The following NCAM2 variants were observed in gnomAD, a reference collection of about 807,000 sequenced individuals.
The protein encoded by NCAM2 is N-CAM-2.
Under a neutral mutation model 98.1 loss-of-function variants are expected in NCAM2, and 30 were observed. That is an observed-to-expected ratio of 0.31 (90% confidence interval 0.23 to 0.41). The LOEUF (loss-of-function observed/expected upper bound fraction) is 0.41, where lower values mean the gene tolerates loss of function less well. NCAM2 is among the 10% of genes least tolerant of loss of function. The probability of loss-of-function intolerance (pLI) is 1.00; values close to 1 mark genes in which losing one functional copy is unlikely to be tolerated. For missense variants in NCAM2, 867 were observed against 1,005.8 expected, an observed-to-expected ratio of 0.86 and a Z score of 1.87; for synonymous variants, 368 against 342.4, an observed-to-expected ratio of 1.07 and a Z score of -0.83.
intron 1 of NCAM2, among the ~76,000 whole-genome samples, chr21:21,088,544 A>G (rs188406815): frequency 7.9e-4 from 121 of 152,326 alleles, no homozygotes; most frequent in African/African-American, 2.8e-3. Context: ...AACAACCTCC[A>G]TGATCTATAA....
At chr21:21,519,189 A>G (rs1294850332) in intron 16 of NCAM2, among the ~76,000 whole-genome samples, 1 of 152,138 alleles carries the variant, frequency 6.6e-6, no homozygotes, top group Non-Finnish European at 1.5e-5. Context: ...TCTTGGGTCA[A>G]TGAAAAGGGT....
At chr21:21,276,666 A>C (rs763932672) in intron 1 of NCAM2, among the ~76,000 whole-genome samples, 1 of 152,126 alleles carries the variant, frequency 6.6e-6, no homozygotes, top group Non-Finnish European at 1.5e-5. Context: ...ATTAAGGCAC[A>C]ACCTCAAATT....
intron 1 of NCAM2, among the ~76,000 whole-genome samples, chr21:21,128,244 G>GTT (rs71195303): frequency 7.3e-5 from 11 of 149,990 alleles, no homozygotes; most frequent in African/African-American, 2.7e-4. Context: ...ATTTGTGAGG[G>GTT]TTTTTTTTTT....
chr21:21,214,711 TATATATATTCC>T (rs1219784675), intron 1 of NCAM2, among the ~76,000 whole-genome samples: 2 of 110,920 alleles, frequency 1.8e-5, no homozygotes. Flanking sequence ...GGGGAGTAAA[TATATATATTCC>T]ATATATATAT....
At chr21:21,479,608 A>AAAAAAAAAAAAAAAAAAAT (rs1491473437) in intron 15 of NCAM2, among the ~76,000 whole-genome samples, 1 of 127,916 alleles carries the variant, frequency 7.8e-6, no homozygotes, top group African/African-American at 2.8e-5. Flanking sequence ...AAAAAAAAAA[A>AAAAAAAAAAAAAAAAAAAT]TTGTTGATGA....
chr21:21,019,009 G>C (rs1014829300), intron 1 of NCAM2, among the ~76,000 whole-genome samples: 3 of 152,228 alleles, frequency 2.0e-5, no homozygotes, highest in African/African-American at 7.2e-5. Context: ...TGGCTGAATG[G>C]TTGGATGCTA....
intron 1 of NCAM2, among the ~76,000 whole-genome samples, chr21:21,040,067 CTA>C (rs1410704164): frequency 6.6e-6 from 1 of 152,108 alleles, no homozygotes; most frequent in Non-Finnish European, 1.5e-5. Flanking sequence ...CTACAGTCCT[CTA>C]TTTTAATTTC....
intron 1 of NCAM2, among the ~76,000 whole-genome samples, chr21:21,257,338 GTT>G (rs553258158): frequency 4.5e-4 from 69 of 152,268 alleles, no homozygotes; most frequent in African/African-American, 1.6e-3. Context: ...GAAATAAACT[GTT>G]TACATGATTT....
chr21:21,177,568 C>T (rs552494571), intron 1 of NCAM2, among the ~76,000 whole-genome samples: 193 of 152,084 alleles, frequency 1.3e-3, no homozygotes, highest in African/African-American at 4.3e-3. Flanking sequence ...GCACATGTCA[C>T]ATATATATAT....
intron 1 of NCAM2, among the ~76,000 whole-genome samples, chr21:21,272,597 G>C (rs897927348): frequency 3.3e-5 from 5 of 151,696 alleles, no homozygotes; most frequent in Admixed American, 6.6e-5. Flanking sequence ...ATATTCACTA[G>C]AGCAGCCTAG....
At chr21:21,389,749 T>C (rs528566964) in intron 9 of NCAM2, among the ~76,000 whole-genome samples, 1 of 152,302 alleles carries the variant, frequency 6.6e-6, no homozygotes, top group Non-Finnish European at 1.5e-5. Flanking sequence ...ATAATAAGAT[T>C]TCATTCTCTT....
At chr21:21,108,361 A>G (rs1380015642) in intron 1 of NCAM2, among the ~76,000 whole-genome samples, 1 of 152,096 alleles carries the variant, frequency 6.6e-6, no homozygotes, top group Middle Eastern at 3.2e-3. Context: ...GTAAAAGTTG[A>G]AAAATAGCAA....
intron 1 of NCAM2, among the ~76,000 whole-genome samples, chr21:21,266,584 A>C (rs1382700365): frequency 6.6e-6 from 1 of 152,110 alleles, no homozygotes; most frequent in African/African-American, 2.4e-5. Context: ...ACATGGATGA[A>C]GCTGGAAACC....
At chr21:21,193,252 G>T (rs2068884713) in intron 1 of NCAM2, among the ~76,000 whole-genome samples, 1 of 151,740 alleles carries the variant, frequency 6.6e-6, no homozygotes, top group South Asian at 2.1e-4. Context: ...ATGCAATATT[G>T]GTATTTTATT....
intron 5 of NCAM2, among the ~76,000 whole-genome samples, chr21:21,320,453 T>C (rs1191339224): frequency 1.3e-5 from 2 of 152,190 alleles, no homozygotes; most frequent in African/African-American, 4.8e-5. Flanking sequence ...AATAGCACTT[T>C]AAATTGATCA....
At chr21:21,475,559 C>G (rs1451604648) in intron 14 of NCAM2, among the ~76,000 whole-genome samples, 1 of 152,140 alleles carries the variant, frequency 6.6e-6, no homozygotes, top group Non-Finnish European at 1.5e-5. Flanking sequence ...AACTAGGTTT[C>G]TTTCTTAACC....
At chr21:21,322,733 C>T (rs1354611252) in intron 5 of NCAM2, among the ~76,000 whole-genome samples, 1 of 152,122 alleles carries the variant, frequency 6.6e-6, no homozygotes, top group African/African-American at 2.4e-5. Flanking sequence ...TCATCTTTAT[C>T]TTCTGAGAAA....
At chr21:21,027,849 G>A (rs1601135971) in intron 1 of NCAM2, among the ~76,000 whole-genome samples, 2 of 149,110 alleles carry the variant, frequency 1.3e-5, no homozygotes, top group African/African-American at 5.0e-5. Context: ...AATTATAATT[G>A]TTTCTTAAGT....
At chr21:21,327,619 A>G (rs2074554872) in intron 6 of NCAM2, among the ~76,000 whole-genome samples, 2 of 152,180 alleles carry the variant, frequency 1.3e-5, no homozygotes, top group Admixed American at 1.3e-4. Context: ...ATCTCTTGTG[A>G]TGGTTGAACC....
Sources: gnomAD v4.1 joint callset for allele counts (sites outside exome capture counted in the v4.1 genomes callset) on GRCh38, gnomAD v4.1.1 for gene constraint, MANE v1.5 for transcripts, NCBI Gene and HGNC (gene_info 2026-07-23, HGNC 2026-07-21) for gene names.